The following NRXN3 variants were observed in gnomAD, a reference collection of about 807,000 sequenced individuals.
NRXN3 encodes the protein neurexin 3, also known as neurexin III.
Under a neutral mutation model 137.6 loss-of-function variants are expected in NRXN3, and 32 were observed. The observed-to-expected ratio is 0.23, with a 90% CI of 0.18 to 0.31. The LOEUF is 0.31. NRXN3 is among the 10% of genes least tolerant of loss of function. The pLI, the probability that NRXN3 is intolerant of heterozygous loss-of-function variation, is 1.00. For synonymous variants in NRXN3, 798 were observed against 784.5 expected (o/e 1.02, Z -0.29); for missense variants, 1,574 against 2,062.5 (o/e 0.76, Z 4.59).
intron 15 of NRXN3, among the ~76,000 whole-genome samples, chr14:79,094,963 A>G (rs2049966711): frequency 1.1e-5 from 1 of 87,366 alleles, no homozygotes; most frequent in African/African-American, 3.4e-5. Flanking sequence ...AGAGAGAGAG[A>G]GAGAGAGAGA....
intron 10 of NRXN3, among the ~76,000 whole-genome samples, chr14:78,954,793 A>G (rs1366487423): frequency 9.6e-6 from 1 of 104,010 alleles, no homozygotes; most frequent in Admixed American, 9.9e-5. Flanking sequence ...TTTTTTTTAC[A>G]TTTTTATTCA....
intron 15 of NRXN3, among the ~76,000 whole-genome samples, chr14:79,207,271 G>A (rs1436289402): frequency 6.6e-6 from 1 of 152,142 alleles, no homozygotes; most frequent in East Asian, 1.9e-4. Context: ...TTCGGATTCA[G>A]TAGGTCTGCA....
At chr14:78,530,620 G>A (rs1232617777) in intron 4 of NRXN3, among the ~76,000 whole-genome samples, 1 of 152,298 alleles carries the variant, frequency 6.6e-6, no homozygotes, top group East Asian at 1.9e-4. Flanking sequence ...GTAGACAGGA[G>A]TAGGCCCAGT....
rs142347988 is a variant in NRXN3 at position 79,825,734 on chromosome 14, T to A, written c.4093+20544T>A. Among the ~76,000 whole-genome samples, 756 of 152,312 alleles carry A rather than the reference T, an allele frequency of 5.0e-3. 5 individuals are homozygous for A. Among genetic ancestry groups the A allele is most frequent in the Non-Finnish European group, 6.4e-3 (433 of 68,032 alleles). ...TAGTCTGAGACTTTTCTTTCCATCCTGCTGGTGCTGGAAGACATGATCATA... is the reference window on the plus strand; with the variant it reads ...TAGTCTGAGACTTTTCTTTCCATCCAGCTGGTGCTGGAAGACATGATCATA... On this transcript the variant is annotated intron_variant, in intron 20 of 20. Coordinates refer to ENST00000335750, the MANE Select transcript of NRXN3 (RefSeq NM_001330195.2).
intron 15 of NRXN3, among the ~76,000 whole-genome samples, chr14:79,129,837 A>G (rs1244330410): frequency 7.8e-6 from 1 of 127,422 alleles, no homozygotes; most frequent in Non-Finnish European, 1.7e-5. Flanking sequence ...GTCACTCAGG[A>G]CTTGCTTTAT....
chr14:78,288,472 A>G (rs2075428474), intron 3 of NRXN3, among the ~76,000 whole-genome samples: 2 of 152,158 alleles, frequency 1.3e-5, no homozygotes, highest in Admixed American at 6.5e-5. Flanking sequence ...TGGTTTATTT[A>G]ACTAAAGCTT....
intron 15 of NRXN3, among the ~76,000 whole-genome samples, chr14:79,364,764 A>T (rs1351392250): frequency 6.6e-6 from 1 of 152,208 alleles, no homozygotes; most frequent in African/African-American, 2.4e-5. Context: ...TGACTTTTTT[A>T]AAATTTATTT....
At chr14:78,263,943 AT>A (rs2153478139) in intron 2 of NRXN3, among the ~76,000 whole-genome samples, 1 of 122,544 alleles carries the variant, frequency 8.2e-6, no homozygotes, top group East Asian at 2.3e-4. Context: ...GACAGGTCTA[AT>A]TTTTTTCCGG....
intron 20 of NRXN3, among the ~76,000 whole-genome samples, chr14:79,838,607 T>G (rs1204873030): frequency 6.6e-6 from 1 of 152,168 alleles, no homozygotes; most frequent in Non-Finnish European, 1.5e-5. Context: ...TGAAAATGAC[T>G]GTAGTCTGGC....
rs1258384948 is a variant in NRXN3 at position 79,831,672 on chromosome 14, G to C, written c.4093+26482G>C. 2.6e-5 allele frequency among the ~76,000 whole-genome samples: 4 copies of C among 152,202 alleles called. No homozygotes were observed. The East Asian group carries it at 7.7e-4, about 29-fold the overall frequency. The stretch of plus-strand genomic sequence containing the variant: ...AGGATGAGCGCTCTCAGTTTGTACC[G>C]ACTACTCATGAGAGACTAAGAACTG... On this transcript the variant is annotated intron_variant, in intron 20 of 20. Transcript: ENST00000335750.
At chr14:79,197,237 G>A (rs1288476747) in intron 15 of NRXN3, among the ~76,000 whole-genome samples, 1 of 152,210 alleles carries the variant, frequency 6.6e-6, no homozygotes, top group Non-Finnish European at 1.5e-5. Flanking sequence ...TTGGGTAGGT[G>A]CATGGTAGTC....
At position 78,828,729 on chromosome 14, in the gene NRXN3, A is replaced by G. The variant is rs1028265174; in HGVS notation, c.2275+18385A>G. 5.9e-5 allele frequency among the ~76,000 whole-genome samples: 9 copies of G among 152,220 alleles called. No individual in the cohort carries two copies. In the East Asian group the frequency reaches 1.7e-3, roughly 29 times the overall value. On this transcript the variant is annotated intron_variant, in intron 10 of 20. Transcript: ENST00000335750. ...CACATGGAAGTTTGGAAAACTCTTC[A>G]TTTAAAGCATTTTTTAGTTCTAGAT...
chr14:79,591,371 G>C (rs999288124), intron 16 of NRXN3, among the ~76,000 whole-genome samples: 1 of 152,130 alleles, frequency 6.6e-6, no homozygotes, highest in Non-Finnish European at 1.5e-5. Context: ...TTGTCAATAA[G>C]CAATCCAGTG....
At chr14:79,465,152 AAG>A (rs1450643728) in intron 15 of NRXN3, among the ~76,000 whole-genome samples, 1 of 152,220 alleles carries the variant, frequency 6.6e-6, no homozygotes, top group Non-Finnish European at 1.5e-5. Flanking sequence ...ATAAAGAATA[AAG>A]AGAGTGGTGA....
chr14:79,441,271 G>A lies in NRXN3; in HGVS notation c.3263-25950G>A, dbSNP rs1189492516. On this transcript the variant is annotated intron_variant, in intron 15 of 20. Coordinates refer to ENST00000335750, the MANE Select transcript of NRXN3 (RefSeq NM_001330195.2). ...ACCTGGATCTCTGTAGCAAGTTCTT[G>A]GCCTGGTCTTCATTTTCAATTCTAA... is the stretch of plus-strand genomic sequence containing the variant. Among the ~76,000 whole-genome samples the A allele has an allele frequency of 4.0e-5, 6 of 150,572 alleles. 1 individual carries two copies. In the South Asian group the frequency reaches 1.0e-3, roughly 26 times the overall value.
chr14:79,569,717 T>C (rs145360917), intron 16 of NRXN3, among the ~76,000 whole-genome samples: 4 of 151,998 alleles, frequency 2.6e-5, no homozygotes, highest in Non-Finnish European at 4.4e-5. Flanking sequence ...CAAGTGATTC[T>C]CATGCCTCAG....
intron 4 of NRXN3, among the ~76,000 whole-genome samples, chr14:78,479,748 A>T (rs1256582251): frequency 6.6e-6 from 1 of 152,142 alleles, no homozygotes; most frequent in Non-Finnish European, 1.5e-5. Flanking sequence ...TGACCCTATG[A>T]AGGTTTTTGT....
chr14:78,537,506 T>C lies in NRXN3; in HGVS notation c.758-107614T>C, dbSNP rs571452192. Among the ~76,000 whole-genome samples, 133 of 152,366 alleles carry C rather than the reference T, an allele frequency of 8.7e-4. 1 individual carries two copies. Among genetic ancestry groups the C allele is most frequent in the South Asian group, 3.9e-3 (19 of 4,834 alleles). ...TTGAGTTCTTTGTAGATTCTGGATA[T>C]TAACCCTTTGTCAGATGGGTAGGTT... On this transcript the variant is annotated intron_variant, in intron 4 of 20. Transcript: ENST00000335750.
chr14:79,174,025 G>C (rs2062050855), intron 15 of NRXN3, among the ~76,000 whole-genome samples: 1 of 152,192 alleles, frequency 6.6e-6, no homozygotes, highest in African/African-American at 2.4e-5. Flanking sequence ...AGGACAACTG[G>C]TTAATATGAT....
Sources: allele counts gnomAD v4.1 joint callset (sites outside exome capture counted in the v4.1 genomes callset), GRCh38; gene constraint gnomAD v4.1.1; transcripts MANE v1.5; gene names NCBI Gene and HGNC (gene_info 2026-07-23, HGNC 2026-07-21).